NDST4: variants seen among roughly 807,000 people sequenced by gnomAD.
NDST4 encodes N-deacetylase and N-sulfotransferase 4.
NDST4 carries 63 observed loss-of-function variants against 100.8 expected under a neutral mutation model. That is an observed-to-expected ratio of 0.62 (90% CI 0.51 to 0.77). The LOEUF (loss-of-function observed/expected upper bound fraction) is 0.77, where lower values mean the gene tolerates loss of function less well. Among genes scored for constraint, NDST4 ranks in the 30% least tolerant of loss-of-function variants. The pLI is 0.00. For synonymous variants in NDST4, 377 were observed against 361.8 expected, an observed-to-expected ratio of 1.04 and a Z score of -0.48; for missense variants, 943 against 1,018.4, an observed-to-expected ratio of 0.93 and a Z score of 1.01.
intron 2 of NDST4, among the ~76,000 whole-genome samples, chr4:115,073,585 T>C (rs1242754836): frequency 1.3e-5 from 2 of 151,900 alleles, no homozygotes; most frequent in Non-Finnish European, 2.9e-5. Context: ...ATACATAATC[T>C]CACTTTTTAT....
intron 2 of NDST4, among the ~76,000 whole-genome samples, chr4:115,060,526 A>G (rs1728796889): frequency 1.3e-5 from 2 of 152,042 alleles, no homozygotes; most frequent in African/African-American, 4.8e-5. Flanking sequence ...TAAAATTTGC[A>G]TTAAATATTC....
At chr4:115,032,565 T>G (rs929601913) in intron 2 of NDST4, among the ~76,000 whole-genome samples, 3 of 152,048 alleles carry the variant, frequency 2.0e-5, no homozygotes, top group African/African-American at 7.2e-5. Flanking sequence ...TTTCTCTTCT[T>G]TGCACTGCCT....
chr4:114,938,885 A>T (rs1725689457), intron 4 of NDST4, among the ~76,000 whole-genome samples: 1 of 152,228 alleles, frequency 6.6e-6, no homozygotes, highest in African/African-American at 2.4e-5. Flanking sequence ...AGAAGACTGA[A>T]TTATGAAATC....
At chr4:115,031,386 A>T (rs1011312377) in intron 2 of NDST4, among the ~76,000 whole-genome samples, 1 of 152,014 alleles carries the variant, frequency 6.6e-6, no homozygotes, top group Non-Finnish European at 1.5e-5. Context: ...CTTGAGTGGA[A>T]TTTTTGCAAG....
intron 6 of NDST4, among the ~76,000 whole-genome samples, chr4:114,879,289 A>T (rs1443244323): frequency 6.6e-6 from 1 of 152,198 alleles, no homozygotes; most frequent in Non-Finnish European, 1.5e-5. Flanking sequence ...TGCAAGTTTT[A>T]TCCATCAGAA....
At chr4:115,066,108 T>A (rs1728939815) in intron 2 of NDST4, among the ~76,000 whole-genome samples, 1 of 152,206 alleles carries the variant, frequency 6.6e-6, no homozygotes, top group Non-Finnish European at 1.5e-5. Context: ...CATTCTGCCT[T>A]GTAATGCAGA....
In NDST4 at chr4:115,050,731, C is replaced by T. The variant is rs113880156; in HGVS notation, c.978+25328G>A. ...AGGAAACAGGCACAGTTTGTGAGGT[C>T]GTAAAGAATTCAGTCTTCATTTGCA... is the stretch of plus-strand genomic sequence containing the variant. On this transcript the variant is annotated intron_variant, in intron 2 of 13. Coordinates refer to ENST00000264363, the MANE Select transcript of NDST4 (RefSeq NM_022569.3). 9.3e-3 allele frequency among the ~76,000 whole-genome samples: 1,413 copies of T among 152,094 alleles called. 30 individuals carry two copies. Among genetic ancestry groups the T allele is most frequent in the African/African-American group, 0.032 (1,324 of 41,524 alleles).
Position 114,925,734 on chromosome 4 carries a change from A to C in NDST4, c.1536+9472T>G, listed in dbSNP as rs563380512. ...TTTAGTGAGTCTAGGCACTGCTCTG[A>C]ACTTTGGAAAGTGTAATAACTTTTC... On this transcript the variant is annotated intron_variant, in intron 6 of 13. Coordinates refer to ENST00000264363, the MANE Select transcript of NDST4 (RefSeq NM_022569.3). 1.1e-4 allele frequency among the ~76,000 whole-genome samples: 16 copies of C among 152,274 alleles called. No individual in the cohort carries two copies. The South Asian group carries it at 3.3e-3, about 32-fold the overall frequency.
intron 2 of NDST4, among the ~76,000 whole-genome samples, chr4:115,006,693 A>C (rs1487045793): frequency 6.6e-6 from 1 of 152,154 alleles, no homozygotes; most frequent in Non-Finnish European, 1.5e-5. Context: ...TGAGACACCC[A>C]GAAGTGGTAT....
chr4:114,936,955 C>A (rs1031486010), intron 5 of NDST4, among the ~76,000 whole-genome samples: 9 of 152,182 alleles, frequency 5.9e-5, no homozygotes, highest in African/African-American at 2.2e-4. Context: ...TGCAGCCTTA[C>A]TCTGCCTGTA....
At chr4:114,872,697 T>G (rs1488864077) in intron 6 of NDST4, among the ~76,000 whole-genome samples, 1 of 151,916 alleles carries the variant, frequency 6.6e-6, no homozygotes, top group Non-Finnish European at 1.5e-5. Flanking sequence ...AATAATTAAA[T>G]CCTCTCAATG....
chr4:114,987,755 T>C (rs1359570838), intron 2 of NDST4, among the ~76,000 whole-genome samples: 2 of 152,228 alleles, frequency 1.3e-5, no homozygotes, highest in Non-Finnish European at 2.9e-5. Context: ...TTGCACTTAA[T>C]GTATCTTATC....
At chr4:114,865,204 G>T (rs1333556032) in intron 7 of NDST4, among the ~76,000 whole-genome samples, 1 of 151,750 alleles carries the variant, frequency 6.6e-6, no homozygotes, top group East Asian at 1.9e-4. Flanking sequence ...AGCCGGGACT[G>T]CAGGCACACA....
intron 2 of NDST4, among the ~76,000 whole-genome samples, chr4:115,067,304 A>C (rs769813386): frequency 6.6e-6 from 1 of 152,192 alleles, no homozygotes; most frequent in Non-Finnish European, 1.5e-5. Context: ...TCTAACTCTG[A>C]AAATGATTCA....
intron 2 of NDST4, among the ~76,000 whole-genome samples, chr4:114,977,771 T>A (rs1726670702): frequency 1.3e-5 from 2 of 152,000 alleles, no homozygotes; most frequent in Non-Finnish European, 2.9e-5. Context: ...GTTTTTACCT[T>A]ACAAACTACA....
In NDST4 at chr4:115,076,739, C is replaced by G; in HGVS notation, c.298G>C (p.Glu100Gln). 3 of 1,613,918 alleles carry G rather than the reference C, an allele frequency of 1.9e-6. No individual in the cohort carries two copies. Among genetic ancestry groups the G allele is most frequent in the Non-Finnish European group, 2.5e-6 (3 of 1,179,926 alleles). ...ATGTGGTACTGAAATCGGCTGGACT[C>G]CAAAATAGCTATGATATCTTGACCG... ...QLGQDIIAIL[E>Q]SSRFQYHMVI... is the part of the protein sequence containing the mutation. The change falls in exon 2 of 14, where the codon GAG becomes CAG. Residue 100 changes from glutamate to glutamine, a missense_variant. Physicochemically the swap from Glu to Gln is conservative, Grantham distance 29 (BLOSUM62 2). Around this residue, in one of 2 missense-constraint regions of NDST4, gnomAD observed 417 missense variants for 384.2 expected, o/e 1.09. Transcript: ENST00000264363.
chr4:114,867,595 G>A (rs1333659513), intron 7 of NDST4, among the ~76,000 whole-genome samples: 23 of 130,300 alleles, frequency 1.8e-4, no homozygotes, highest in African/African-American at 6.1e-4. Context: ...GTAAGAATCT[G>A]ACCTTCTAAC....
chr4:115,107,518 G>C (rs1424202561), intron 1 of NDST4, among the ~76,000 whole-genome samples: 1 of 151,990 alleles, frequency 6.6e-6, no homozygotes, highest in African/African-American at 2.4e-5. Context: ...TACTCAATTT[G>C]ACATCTATGT....
At chr4:114,941,886 A>G (rs1725758567) in intron 4 of NDST4, among the ~76,000 whole-genome samples, 1 of 152,172 alleles carries the variant, frequency 6.6e-6, no homozygotes, top group African/African-American at 2.4e-5. Flanking sequence ...CTAGCTTGGA[A>G]ACCTGACTGC....
Sources: gnomAD v4.1 joint callset for allele counts (sites outside exome capture counted in the v4.1 genomes callset) on GRCh38, gnomAD v4.1.1 for gene constraint, gnomAD v4.1.1 regional missense constraint, MANE v1.5 for transcripts, NCBI Gene and HGNC (gene_info 2026-07-23, HGNC 2026-07-21) for gene names.